HACD1: variants seen among roughly 807,000 people sequenced by gnomAD.
HACD1 encodes 3-hydroxyacyl-CoA dehydratase 1.
A neutral mutation model predicts 32.0 loss-of-function variants in HACD1; 41 were observed. The ratio of observed to expected loss-of-function variants is 1.28; its 90% CI spans 1.00 to 1.66. The LOEUF is 1.66. HACD1 is among the 40% of genes most tolerant of loss of function. The pLI, the probability that HACD1 is intolerant of heterozygous loss-of-function variation, is 0.00. For synonymous variants in HACD1, 142 were observed against 139.0 expected (o/e 1.02, Z -0.15); for missense variants, 396 against 380.1 (o/e 1.04, Z -0.35).
chr10:17,591,495 G>A (rs1298085303), intron 6 of HACD1, among the ~76,000 whole-genome samples: 1 of 152,092 alleles, frequency 6.6e-6, no homozygotes, highest in East Asian at 1.9e-4. Context: ...GGGTGTAAGG[G>A]TATTTAATCC....
At chr10:17,606,932 G>A (rs1328703378) in intron 1 of HACD1, among the ~76,000 whole-genome samples, 1 of 152,062 alleles carries the variant, frequency 6.6e-6, no homozygotes, top group African/African-American at 2.4e-5. Flanking sequence ...TTTCACTACT[G>A]AGGAAATAGG....
Position 17,610,349 on chromosome 10 carries a change from G to A in HACD1, c.258-6302C>T, listed in dbSNP as rs75535197. 3.3e-5 allele frequency among the ~76,000 whole-genome samples: 5 copies of A among 152,146 alleles called. No individual in the cohort carries two copies. The East Asian group carries it at 9.7e-4, about 29-fold the overall frequency. On this transcript the variant is annotated intron_variant, in intron 1 of 6. Coordinates refer to ENST00000361271, the MANE Select transcript of HACD1 (RefSeq NM_014241.4). ...TGAAAATATCTTACTTTCTCTTTCT[G>A]CAAGAAGTGCAATTTTAGGCCAGGC...
intron 1 of HACD1, among the ~76,000 whole-genome samples, chr10:17,611,938 G>A (rs2131522038): frequency 6.6e-6 from 1 of 151,506 alleles, no homozygotes; most frequent in Admixed American, 6.6e-5. Flanking sequence ...CTGCACTCCA[G>A]CCTGGGTGAC....
chr10:17,599,009 G>T, intron 5 of HACD1: 1 of 357,446 alleles, frequency 2.8e-6, no homozygotes, highest in Admixed American at 4.9e-5. Flanking sequence ...TGTATATTGT[G>T]CTTTCCAAAA....
intron 1 of HACD1, among the ~76,000 whole-genome samples, chr10:17,609,783 C>A (rs1283526868): frequency 2.0e-5 from 3 of 151,796 alleles, no homozygotes; most frequent in African/African-American, 7.3e-5. Context: ...GAGTTTGAGA[C>A]CAGGCTGGCC....
chr10:17,607,234 A>C (rs1588991504), intron 1 of HACD1, among the ~76,000 whole-genome samples: 2 of 152,096 alleles, frequency 1.3e-5, no homozygotes, highest in East Asian at 3.9e-4. Flanking sequence ...TTCATGACTG[A>C]GTCTGTAATA....
rs139783041 is a variant in HACD1 at position 17,599,935 on chromosome 10, C to A, written c.484-524G>T. Among the ~76,000 whole-genome samples the A allele has an allele frequency of 1.6e-3, 242 of 152,264 alleles. 1 individual carries two copies. Among genetic ancestry groups the A allele is most frequent in the African/African-American group, 5.6e-3 (234 of 41,554 alleles). On this transcript the variant is annotated intron_variant, in intron 4 of 6. Transcript: ENST00000361271. ...GTCAAAGAAGCAAATACATAAAAAACAAATTGGAATCAGCTAAGTCCTGTG... is the reference window on the plus strand; with the variant it reads ...GTCAAAGAAGCAAATACATAAAAAAAAAATTGGAATCAGCTAAGTCCTGTG...
chr10:17,591,881 T>C (rs900961156), intron 6 of HACD1, among the ~76,000 whole-genome samples: 25 of 151,876 alleles, frequency 1.6e-4, no homozygotes, highest in Admixed American at 5.2e-4. Context: ...TTAAACTCAC[T>C]GACCAATTAT....
intron 6 of HACD1, among the ~76,000 whole-genome samples, chr10:17,591,133 C>T (rs1554815545): frequency 6.6e-6 from 1 of 152,180 alleles, no homozygotes; most frequent in African/African-American, 2.4e-5. Flanking sequence ...CTCCTCTTCT[C>T]CATTCTACTG....
chr10:17,603,695 A>G, intron 3 of HACD1, 31 bp downstream of exon 3: 1 of 1,604,064 alleles, frequency 6.2e-7, no homozygotes, highest in Non-Finnish European at 8.5e-7. Flanking sequence ...GCAATTTATA[A>G]TAAAAGTATA....
chr10:17,609,218 G>T (rs1288701144), intron 1 of HACD1, among the ~76,000 whole-genome samples: 1 of 149,022 alleles, frequency 6.7e-6, no homozygotes, highest in Non-Finnish European at 1.5e-5. Flanking sequence ...GCAGTGGCGC[G>T]ATCTCGGCTC....
chr10:17,610,556 G>A (rs1448159086), intron 1 of HACD1, among the ~76,000 whole-genome samples: 1 of 151,956 alleles, frequency 6.6e-6, no homozygotes, highest in African/African-American at 2.4e-5. Flanking sequence ...GGCTGAGGTG[G>A]GAGGATCACT....
chr10:17,606,488 T>C (rs1207607659), intron 1 of HACD1, among the ~76,000 whole-genome samples: 1 of 152,218 alleles, frequency 6.6e-6, no homozygotes, highest in Non-Finnish European at 1.5e-5. Context: ...CCTAGTCTTT[T>C]AGATAGTCTC....
intron 6 of HACD1, among the ~76,000 whole-genome samples, chr10:17,591,617 C>G (rs1285707694): frequency 6.6e-6 from 1 of 151,972 alleles, no homozygotes; most frequent in Admixed American, 6.6e-5. Flanking sequence ...TGTTTCAAAC[C>G]AGTGTTTCAT....
intron 4 of HACD1, among the ~76,000 whole-genome samples, chr10:17,601,064 C>T (rs1416720815): frequency 2.7e-5 from 4 of 150,412 alleles, no homozygotes; most frequent in Admixed American, 6.6e-5. Context: ...GACAGAATCT[C>T]GCTCTGTCAC....
At position 17,590,383 on chromosome 10, in the gene HACD1, A is replaced by T; in HGVS notation, c.848T>A (p.Ile283Asn). 3 of 1,599,814 alleles carry T rather than the reference A, an allele frequency of 1.9e-6. No individual in the cohort carries two copies. The highest frequency in any genetic ancestry group is 2.6e-6 in the Non-Finnish European group (3 of 1,170,126). The change falls in exon 7 of 7, where the codon ATT becomes AAT. Residue 283 changes from isoleucine to asparagine, a missense_variant. By Grantham distance (149) the Ile-to-Asn change is moderately radical. Coordinates refer to ENST00000361271, the MANE Select transcript of HACD1 (RefSeq NM_014241.4). The part of the protein sequence containing the change: ...QRRKVLHGEV[I>N]VEKDD ...GATCATTTAATCATCCTTTTCTACA[A>T]TCACCTCTCCATGAAGCACCTTTCT... is the stretch of plus-strand genomic sequence containing the variant.
At position 17,599,780 on chromosome 10, in the gene HACD1, T is replaced by G. The variant is rs1834043803; in HGVS notation, c.484-369A>C. ...GACCAACGCTTGAATTGCTCACTCA[T>G]CTTTGGCCCTTTTACTACTATTTTA... On this transcript the variant is annotated intron_variant, in intron 4 of 6. Coordinates refer to ENST00000361271, the MANE Select transcript of HACD1 (RefSeq NM_014241.4). Among the ~76,000 whole-genome samples the G allele has an allele frequency of 2.0e-5, 3 of 152,184 alleles. No homozygotes were observed. The South Asian group carries it at 6.2e-4, about 31-fold the overall frequency.
chr10:17,602,289 C>T (rs1201417881), intron 4 of HACD1, among the ~76,000 whole-genome samples: 3 of 151,982 alleles, frequency 2.0e-5, no homozygotes, highest in Non-Finnish European at 2.9e-5. Flanking sequence ...AGGCTGGTCG[C>T]GAACTCCTGA....
intron 6 of HACD1, among the ~76,000 whole-genome samples, chr10:17,592,420 A>G (rs1396621870): frequency 1.3e-5 from 2 of 152,164 alleles, no homozygotes; most frequent in Non-Finnish European, 2.9e-5. Context: ...AAATTAATTG[A>G]TTTATTACTA....
Sources: gnomAD v4.1 joint callset for allele counts (sites outside exome capture counted in the v4.1 genomes callset) on GRCh38, gnomAD v4.1.1 for gene constraint, MANE v1.5 for transcripts, NCBI Gene and HGNC (gene_info 2026-07-23, HGNC 2026-07-21) for gene names.